MRPL43: variants seen among roughly 807,000 people sequenced by gnomAD.
MRPL43 encodes large ribosomal subunit protein mL43.
Under a neutral mutation model 12.7 loss-of-function variants are expected in MRPL43, and 9 were observed. The observed-to-expected ratio is 0.71, with a 90% CI of 0.43 to 1.24. The LOEUF (loss-of-function observed/expected upper bound fraction) is 1.24. MRPL43 is among the 50% of genes most tolerant of loss of function. The pLI is 0.00. For missense variants in MRPL43, 211 were observed against 229.2 expected (o/e 0.92, Z 0.51); for synonymous variants, 116 against 96.4 (o/e 1.20, Z -1.19).
At position 100,986,413 on chromosome 10, in the gene MRPL43, C is replaced by T. The variant is rs546717836; in HGVS notation, c.*321G>A. The T allele has an allele frequency of 1.4e-4, 213 of 1,490,342 alleles. No homozygotes were observed. The highest frequency in any genetic ancestry group is 1.8e-4 in the Non-Finnish European group (199 of 1,122,626). The allele number at this position is 1,490,342 out of a possible 1,614,324, so 92.3% of individuals were successfully genotyped here. A position where few individuals can be genotyped will look rare whatever the true frequency, so the allele number is the denominator to read the frequency against. On this transcript the variant is annotated 3_prime_UTR_variant, in exon 3 of 3. Transcript: ENST00000318364. The stretch of plus-strand genomic sequence containing the variant: ...CATCAGGGATTCTTCAGAAGCCAGC[C>T]TTCAGACCTCTCACTGTGTTTTGAG...
downstream of MRPL43, chr10:100,979,084 G>A (rs534844916): frequency 2.6e-5 from 42 of 1,613,582 alleles, no homozygotes; most frequent in Admixed American, 3.2e-4. Context: ...CCCTTATCCC[G>A]TGCCTCTACC....
At position 100,987,149 on chromosome 10, in the gene MRPL43, C is replaced by G. The variant is rs1216196390; in HGVS notation, c.179G>C (p.Gly60Ala). Residue 60 changes from glycine (G) to alanine (A), a missense_variant, in exon 2 of 3, where the codon GGG becomes GCG. Transcript: ENST00000318364. The part of the protein sequence containing the change: ...EVIDFARRNP[G>A]VVIYVNSRPC... Reference sequence around the variant, plus strand: ...ACGCGAGTTTACATATATTACGACCCCTGGATTCCGTCGGGCGAAGTCGAT... The same window carrying G: ...ACGCGAGTTTACATATATTACGACCGCTGGATTCCGTCGGGCGAAGTCGAT... 2.5e-6 allele frequency: 4 copies of G among 1,613,956 alleles called. No individual in the cohort carries two copies. Among genetic ancestry groups the G allele is most frequent in the Non-Finnish European group, 3.4e-6 (4 of 1,180,042 alleles).
chr10:100,983,293 C>G (rs763789894), downstream of MRPL43: 7 of 1,515,716 alleles, frequency 4.6e-6, no homozygotes, highest in Admixed American at 1.0e-4. Flanking sequence ...ACCTCTCCCC[C>G]AAACCCCACA....
downstream of MRPL43, chr10:100,980,548 G>T (rs764556630): frequency 6.3e-7 from 1 of 1,578,770 alleles, no homozygotes; most frequent in South Asian, 1.1e-5. Flanking sequence ...CCCATAGTTG[G>T]GGTCTAACTC....
downstream of MRPL43, chr10:100,983,484 C>A (rs775542275): frequency 1.4e-5 from 22 of 1,614,062 alleles, no homozygotes; most frequent in Admixed American, 3.3e-5. Context: ...AGATGCACAG[C>A]CTGAGCACAG....
At chr10:100,980,894 T>C, downstream of MRPL43, 1 of 1,612,294 alleles carries the variant, frequency 6.2e-7, no homozygotes, top group Non-Finnish European at 8.5e-7. Flanking sequence ...CTACCGATCC[T>C]GCTATGACTG....
At chr10:100,984,722 G>A, downstream of MRPL43, 1 of 1,536,112 alleles carries the variant, frequency 6.5e-7, no homozygotes, top group South Asian at 1.2e-5. Context: ...CCTCCCAATT[G>A]CCACATCCTA....
chr10:100,980,404 A>G, downstream of MRPL43: 1 of 1,520,842 alleles, frequency 6.6e-7, no homozygotes, highest in Admixed American at 1.7e-5. Context: ...TTCTGAATCC[A>G]TTAATTCCTG....
chr10:100,979,083 C>T (rs201888736), downstream of MRPL43: 5 of 1,613,476 alleles, frequency 3.1e-6, no homozygotes, highest in East Asian at 4.5e-5. Flanking sequence ...CCCCTTATCC[C>T]GTGCCTCTAC....
At position 100,986,289 on chromosome 10, in the gene MRPL43, G is replaced by A. The variant is rs1851460593; in HGVS notation, c.*445C>T. The A allele has an allele frequency of 1.4e-6, 2 of 1,379,554 alleles. No individual in the cohort carries two copies. The highest frequency in any genetic ancestry group is 2.7e-4 in the Middle Eastern group (1 of 3,708). 85.5% of individuals were successfully genotyped at this position (1,379,554 alleles called of 1,614,324 possible). A position where few individuals can be genotyped will look rare whatever the true frequency, so the allele number is the denominator to read the frequency against. The stretch of plus-strand genomic sequence containing the variant: ...AGACCTGAAATGTGACCTTGGATAA[G>A]TTTATTAACCTGTTTTATAAATCTG... On this transcript the variant is annotated 3_prime_UTR_variant, in exon 3 of 3. Transcript: ENST00000318364.
downstream of MRPL43, chr10:100,977,961 T>C (rs1016127329): frequency 1.6e-5 from 9 of 575,308 alleles, no homozygotes; most frequent in Non-Finnish European, 2.8e-5. Context: ...CCTAATCACC[T>C]CCACCTGGCA....
downstream of MRPL43, chr10:100,980,645 G>A (rs1851023747): frequency 1.9e-6 from 3 of 1,614,100 alleles, no homozygotes; most frequent in Admixed American, 3.3e-5. Flanking sequence ...AGACACAAGT[G>A]TTCAGGGAGT....
chr10:100,980,222 C>A (rs779575501), downstream of MRPL43: 1 of 1,614,252 alleles, frequency 6.2e-7, no homozygotes, highest in Admixed American at 1.7e-5. Flanking sequence ...ATGGCTCGGC[C>A]CGTTGTGCCC....
downstream of MRPL43, chr10:100,985,801 T>C (rs988849175): frequency 2.0e-5 from 3 of 152,260 alleles, no homozygotes; most frequent in Admixed American, 6.5e-5. Context: ...CAGGCCTCTT[T>C]AGTAAGGTTC....
At chr10:100,980,328 G>A (rs1564797032), downstream of MRPL43, 2 of 1,614,138 alleles carry the variant, frequency 1.2e-6, no homozygotes, top group Non-Finnish European at 1.7e-6. Flanking sequence ...CCTATGACCT[G>A]CTCTTTCTGG....
At chr10:100,983,743 G>A (rs780027867), downstream of MRPL43, 22 of 1,612,996 alleles carry the variant, frequency 1.4e-5, no homozygotes, top group Admixed American at 1.7e-5. Context: ...GGGCGCCGAC[G>A]GAAATACTCA....
downstream of MRPL43, chr10:100,984,308 C>T: frequency 6.9e-7 from 1 of 1,438,956 alleles, no homozygotes; most frequent in Non-Finnish European, 9.1e-7. Context: ...CCTCCTCAGT[C>T]TCCACAGACC....
At chr10:100,982,401 T>C (rs1315925431), downstream of MRPL43, among the ~76,000 whole-genome samples, 1 of 152,198 alleles carries the variant, frequency 6.6e-6, no homozygotes, top group Non-Finnish European at 1.5e-5. Context: ...GAAGAATGGA[T>C]TACATGGGGC....
In MRPL43 at chr10:100,986,809, G is replaced by C; in HGVS notation, c.405C>G (p.Asn135Lys). The change falls in exon 3 of 3, where the codon AAC becomes AAG. Residue 135 changes from asparagine (N) to lysine (K), a missense_variant. By Grantham distance (94) the Asn-to-Lys change is moderately conservative (BLOSUM62 0). Coordinates refer to ENST00000318364, the MANE Select transcript of MRPL43 (RefSeq NM_032112.3). ...GTAGCCCGCGGAACGTGGTCGGCTT[G>C]TTGGTGAAGGGGTGCCACTGGCCCT... ...SIQGQWHPFT[N>K]KPTTFRGLRP... 6.2e-7 allele frequency: 1 copy of C among 1,613,968 alleles called. No homozygotes were observed. The highest frequency in any genetic ancestry group is 8.5e-7 in the Non-Finnish European group (1 of 1,180,056).
Sources: allele counts gnomAD v4.1 joint callset (sites outside exome capture counted in the v4.1 genomes callset), GRCh38; gene constraint gnomAD v4.1.1; transcripts MANE v1.5; gene names NCBI Gene and HGNC (gene_info 2026-07-23, HGNC 2026-07-21).